Variants in PI4KA observed in about 807,000 individuals in gnomAD.
PI4KA encodes phosphatidylinositol 4-kinase alpha.
Under a neutral mutation model 271.4 loss-of-function variants are expected in PI4KA, and 122 were observed. The observed-to-expected ratio is 0.45, with a 90% CI of 0.39 to 0.52. The LOEUF is 0.52. Among genes scored for constraint, PI4KA ranks in the 20% least tolerant of loss-of-function variants. The pLI, the probability that PI4KA is intolerant of heterozygous loss-of-function variation, is 0.00. For missense variants in PI4KA, 1,969 were observed against 2,769.1 expected (o/e 0.71, Z 6.48); for synonymous variants, 1,041 against 1,078.8 (o/e 0.96, Z 0.69).
At chr22:20,825,326 G>C (rs178053) in intron 3 of PI4KA, among the ~76,000 whole-genome samples, 58,942 of 151,978 alleles carry the variant, frequency 0.39, 12,061 homozygotes, top group African/African-American at 0.5. Context: ...TGGGTGCAGT[G>C]GCTCATGCCT....
chr22:20,727,323 G>A lies in PI4KA; in HGVS notation c.4848C>T (p.Asp1616=). ...AGAAGTAGGAGAGGCCTGTGGGTGGGTCCGTGGGCGCCCAGCACAGCACAT... is the reference window on the plus strand; with the variant it reads ...AGAAGTAGGAGAGGCCTGTGGGTGGATCCGTGGGCGCCCAGCACAGCACAT... ...LSHVLCWAPT[D]PPTGLSYFSS... Residue 1616 remains aspartate (D), a synonymous_variant, in exon 41 of 55, where the codon GAC becomes GAT. Coordinates refer to ENST00000255882, the MANE Select transcript of PI4KA (RefSeq NM_058004.4). The A allele has an allele frequency of 1.2e-6, 2 of 1,613,378 alleles. No homozygotes were observed. The highest frequency in any genetic ancestry group is 2.2e-5 in the South Asian group (2 of 91,060).
Position 20,848,798 on chromosome 22 carries a change from C to T in PI4KA, c.156+9772G>A, listed in dbSNP as rs117720285. ...AGACAGTGGTTTCTTAGATACAACA[C>T]AAAAAGCACAAGGGACAAAAGAAAA... On this transcript the variant is annotated intron_variant, in intron 1 of 54. Coordinates refer to ENST00000255882, the MANE Select transcript of PI4KA (RefSeq NM_058004.4). Among the ~76,000 whole-genome samples the T allele has an allele frequency of 1.4e-3, 213 of 148,968 alleles. 3 individuals are homozygous for T. The East Asian group carries it at 0.037, about 26-fold the overall frequency.
intron 6 of PI4KA, among the ~76,000 whole-genome samples, chr22:20,819,129 C>T (rs775876765): frequency 3.3e-5 from 5 of 152,084 alleles, no homozygotes; most frequent in African/African-American, 1.2e-4. Flanking sequence ...ATGTTTAGGG[C>T]GAAACGGTGA....
intron 19 of PI4KA, among the ~76,000 whole-genome samples, chr22:20,789,970 T>C (rs1395965093): frequency 6.6e-6 from 1 of 152,180 alleles, no homozygotes; most frequent in Non-Finnish European, 1.5e-5. Flanking sequence ...TACATGAATG[T>C]TTTTCCAGAA....
intron 25 of PI4KA, 103 bp from the exon 26 acceptor site, chr22:20,751,858 G>A: frequency 1.0e-6 from 1 of 954,036 alleles, no homozygotes; most frequent in Non-Finnish European, 1.6e-6. Flanking sequence ...TCTGCTTCAG[G>A]CCAGCTGAAG....
At chr22:20,745,334 G>A (rs1929934826) in intron 29 of PI4KA, among the ~76,000 whole-genome samples, 1 of 152,186 alleles carries the variant, frequency 6.6e-6, no homozygotes, top group Non-Finnish European at 1.5e-5. Flanking sequence ...CAGGCTGGCT[G>A]CTGTGCCACA....
At chr22:20,745,668 A>AC in intron 29 of PI4KA, among the ~76,000 whole-genome samples, 1 of 152,300 alleles carries the variant, frequency 6.6e-6, no homozygotes, top group Middle Eastern at 3.4e-3. Flanking sequence ...GGTCTTTGGC[A>AC]CCAAGCAGGA....
Position 20,799,755 on chromosome 22 carries a change from G to C in PI4KA, c.1736C>G (p.Ala579Gly), listed in dbSNP as rs974215026. 7.7e-6 allele frequency: 12 copies of C among 1,551,262 alleles called. No individual in the cohort carries two copies. Among genetic ancestry groups the C allele is most frequent in the Non-Finnish European group, 1.0e-5 (12 of 1,146,620 alleles). ...AIDNICRCLK[A>G]GLTVDPVIVE... ...AATCACTGGGTCCACCGTCAATCCA[G>C]CCTTCAGGCACCTGAGGAGCAAGAA... Residue 579 changes from alanine (A) to glycine (G), a missense_variant, in exon 15 of 55, where the codon GCT (alanine) becomes GGT (glycine). Around this residue, in one of 13 missense-constraint regions of PI4KA, gnomAD observed 228 missense variants for 261.6 expected, o/e 0.87. Coordinates refer to ENST00000255882, the MANE Select transcript of PI4KA (RefSeq NM_058004.4).
intron 43 of PI4KA, among the ~76,000 whole-genome samples, 180 bp from the exon 44 acceptor site, chr22:20,719,002 G>A (rs1233620885): frequency 6.6e-6 from 1 of 152,248 alleles, no homozygotes; most frequent in Admixed American, 6.5e-5. Context: ...ACGCTGCTGG[G>A]AAGCTAAGCT....
intron 19 of PI4KA, chr22:20,779,955 G>T (rs1415274013): frequency 6.2e-7 from 1 of 1,614,026 alleles, no homozygotes; most frequent in East Asian, 2.2e-5. Flanking sequence ...GAGGAATTTT[G>T]GGTACACACT....
chr22:20,817,873 C>T (rs1029669352), intron 7 of PI4KA, among the ~76,000 whole-genome samples: 1 of 148,620 alleles, frequency 6.7e-6, no homozygotes, highest in Non-Finnish European at 1.5e-5. Flanking sequence ...GCATGTAATC[C>T]TAGCACTCTG....
intron 1 of PI4KA, among the ~76,000 whole-genome samples, chr22:20,850,221 C>T (rs1926786400): frequency 6.6e-6 from 1 of 152,064 alleles, no homozygotes. Context: ...GCCCAACATT[C>T]CCTAAAGTAA....
At chr22:20,763,257 A>G (rs1932184250) in intron 22 of PI4KA, among the ~76,000 whole-genome samples, 1 of 151,640 alleles carries the variant, frequency 6.6e-6, no homozygotes, top group Non-Finnish European at 1.5e-5. Context: ...GACTACAGGC[A>G]TGCACCACCA....
chr22:20,742,911 A>G, intron 30 of PI4KA, 147 bp from the exon 31 acceptor site: 1 of 666,212 alleles, frequency 1.5e-6, no homozygotes, highest in East Asian at 2.6e-5. Context: ...AGACAGGCTC[A>G]TTTCAATGAT....
rs1020014339 is a variant in PI4KA, at chr22:20,751,533, A to C, written c.3069+141T>G. On this transcript the variant is annotated intron_variant, in intron 26 of 54. Transcript: ENST00000255882. Reference sequence around the variant, plus strand: ...ACACCAGGTGGATTTGGGCCCCCTCACCCCCAACTCGACACCTGTAGCATT... The same window carrying C: ...ACACCAGGTGGATTTGGGCCCCCTCCCCCCCAACTCGACACCTGTAGCATT... 6 of 937,396 alleles carry C rather than the reference A, an allele frequency of 6.4e-6. No individual in the cohort carries two copies. In the African/African-American group the frequency reaches 9.8e-5, roughly 15 times the overall value. The allele number at this position is 937,396 out of a possible 1,614,324, so 58.1% of individuals were successfully genotyped here.
At chr22:20,858,166 A>G (rs1261252433) in intron 1 of PI4KA, among the ~76,000 whole-genome samples, 1 of 152,208 alleles carries the variant, frequency 6.6e-6, no homozygotes, top group Non-Finnish European at 1.5e-5. Context: ...AAGGTCGCGG[A>G]ATAAAAAGCA....
chr22:20,796,872 A>T (rs976319972), intron 17 of PI4KA, among the ~76,000 whole-genome samples: 3 of 152,174 alleles, frequency 2.0e-5, no homozygotes, highest in Non-Finnish European at 4.4e-5. Context: ...TAAACCCCGG[A>T]TGTGAAGCTG....
At chr22:20,796,722 T>TACC (rs1459423507) in intron 17 of PI4KA, among the ~76,000 whole-genome samples, 1 of 152,240 alleles carries the variant, frequency 6.6e-6, no homozygotes, top group Admixed American at 6.5e-5. Flanking sequence ...AAGCATCATT[T>TACC]ACCACCCACA....
intron 2 of PI4KA, among the ~76,000 whole-genome samples, chr22:20,837,446 C>T (rs1025587329): frequency 6.6e-6 from 1 of 152,214 alleles, no homozygotes; most frequent in South Asian, 2.1e-4. Flanking sequence ...TTTATGTAAC[C>T]TTGATCAGGT....
Sources: allele counts gnomAD v4.1 joint callset (sites outside exome capture counted in the v4.1 genomes callset), GRCh38; gene constraint gnomAD v4.1.1; regional missense constraint gnomAD v4.1.1; transcripts MANE v1.5; gene names NCBI Gene and HGNC (gene_info 2026-07-23, HGNC 2026-07-21).